Variants in VIRMA observed in about 807,000 individuals in gnomAD.
The protein encoded by VIRMA is vir like m6A methyltransferase associated.
In VIRMA, 65 loss-of-function variants were observed where a neutral mutation model predicts 182.4. The ratio of observed to expected loss-of-function variants is 0.36; its 90% CI spans 0.29 to 0.44. The LOEUF is 0.44. Ranked by LOEUF, VIRMA falls within the 20% of genes least tolerant of loss-of-function variation. VIRMA has a pLI of 1.00. For missense variants in VIRMA, 1,752 were observed against 2,158.1 expected, an observed-to-expected ratio of 0.81 and a Z score of 3.73; for synonymous variants, 709 against 743.1, an observed-to-expected ratio of 0.95 and a Z score of 0.75.
At chr8:94,533,011 A>C (rs985371153) in intron 5 of VIRMA, among the ~76,000 whole-genome samples, 1 of 152,122 alleles carries the variant, frequency 6.6e-6, no homozygotes, top group Non-Finnish European at 1.5e-5. Context: ...AAAGTTAAAA[A>C]CACATGTATA....
intron 8 of VIRMA, among the ~76,000 whole-genome samples, chr8:94,521,647 T>C (rs1257826659): frequency 6.6e-6 from 1 of 152,214 alleles, no homozygotes; most frequent in Non-Finnish European, 1.5e-5. Flanking sequence ...GGTAACACAA[T>C]AGCTTTCATA....
intron 2 of VIRMA, among the ~76,000 whole-genome samples, chr8:94,541,707 A>G (rs1048959802): frequency 6.6e-6 from 1 of 151,926 alleles, no homozygotes; most frequent in African/African-American, 2.4e-5. Context: ...ACAGCTGGCT[A>G]ATTTTTGTGT....
At position 94,517,779 on chromosome 8, in the gene VIRMA, GTACCA is replaced by G. The variant is rs897817317; in HGVS notation, c.2668+4_2668+8del. ...TTACAAATGCTTAAAATAACTTTAA[GTACCA>G]TACCTTGCAATTTAGCATTATTTTC... On this transcript the variant is annotated splice_donor_5th_base_variant and intron_variant, in intron 10 of 23. Transcript: ENST00000297591. 1.3e-6 allele frequency: 2 copies of G among 1,577,648 alleles called. No individual in the cohort carries two copies. The highest frequency in any genetic ancestry group is 1.7e-6 in the Non-Finnish European group (2 of 1,156,314).
intron 15 of VIRMA, among the ~76,000 whole-genome samples, chr8:94,508,262 T>C (rs1814238969): frequency 6.6e-6 from 1 of 152,006 alleles, no homozygotes; most frequent in African/African-American, 2.4e-5. Flanking sequence ...GCTAGTTTTT[T>C]TGTAGTAGAG....
chr8:94,499,255 C>T (rs1813888524), intron 17 of VIRMA, 119 bp downstream of exon 17: 5 of 643,436 alleles, frequency 7.8e-6, no homozygotes, highest in Admixed American at 3.6e-5. Context: ...CCCACCTCAG[C>T]CCACCAGAGT....
At position 94,488,535 on chromosome 8, in the gene VIRMA, G is replaced by A; in HGVS notation, c.*171C>T. ...TATACAAACGTACATACAAAGTTTG[G>A]ATTTTTATTGAAATCTTGTTAGGTA... On this transcript the variant is annotated 3_prime_UTR_variant, in exon 24 of 24. Coordinates refer to ENST00000297591, the MANE Select transcript of VIRMA (RefSeq NM_015496.5). 1 of 541,892 alleles carries A rather than the reference G, an allele frequency of 1.8e-6. No homozygotes were observed. The highest frequency in any genetic ancestry group is 3.1e-6 in the Non-Finnish European group (1 of 321,074). 33.6% of individuals were successfully genotyped at this position (541,892 alleles called of 1,614,324 possible). A position where few individuals can be genotyped will look rare whatever the true frequency, so the allele number is the denominator to read the frequency against.
At chr8:94,495,655 C>G in intron 19 of VIRMA, 76 bp downstream of exon 19, 1 of 1,232,738 alleles carries the variant, frequency 8.1e-7, no homozygotes. Flanking sequence ...TAGAAAAAAA[C>G]GTTTGCTGGC....
At chr8:94,497,938 G>C (rs1813847561) in intron 17 of VIRMA, 1 of 152,346 alleles carries the variant, frequency 6.6e-6, no homozygotes, top group South Asian at 2.1e-4. Flanking sequence ...CTGAGCCTAA[G>C]GAAGTCAAGG....
At chr8:94,547,436 C>T (rs575931943) in intron 1 of VIRMA, among the ~76,000 whole-genome samples, 1 of 151,160 alleles carries the variant, frequency 6.6e-6, no homozygotes, top group South Asian at 2.1e-4. Flanking sequence ...CACAGCATAA[C>T]TGTTTCCCTT....
In VIRMA at chr8:94,553,391, G is replaced by T; in HGVS notation, c.57C>A (p.Ser19Arg). The T allele has an allele frequency of 6.2e-7, 1 of 1,614,086 alleles. No individual in the cohort carries two copies. Among genetic ancestry groups the T allele is most frequent in the Non-Finnish European group, 8.5e-7 (1 of 1,179,930 alleles). Residue 19 changes from serine (S) to arginine (R), a missense_variant, in exon 1 of 24, where the codon AGC becomes AGA. By Grantham distance (110) the Ser-to-Arg change is moderately radical. Coordinates refer to ENST00000297591, the MANE Select transcript of VIRMA (RefSeq NM_015496.5). ...TCAAGTCGCCAAGCCTTACCTCAGC[G>T]CTCGGGTGTTTAAAAGTATCTAAAA... is the stretch of plus-strand genomic sequence containing the variant. ...LLFLDTFKHPSAEQSSHIDVV... is the reference protein window; with the variant it reads ...LLFLDTFKHPRAEQSSHIDVV...
intron 16 of VIRMA, among the ~76,000 whole-genome samples, chr8:94,504,247 T>C (rs1814080869): frequency 6.6e-6 from 1 of 151,894 alleles, no homozygotes; most frequent in Non-Finnish European, 1.5e-5. Context: ...CAATGGCCCG[T>C]ATCATAAGCC....
At chr8:94,535,607 ACCT>A (rs1004895929) in intron 4 of VIRMA, among the ~76,000 whole-genome samples, 3 of 152,172 alleles carry the variant, frequency 2.0e-5, no homozygotes, top group African/African-American at 7.2e-5. Context: ...AGATGGTGAA[ACCT>A]CGTCTCTACT....
At chr8:94,536,421 G>GA (rs1586105453) in intron 4 of VIRMA, among the ~76,000 whole-genome samples, 1 of 152,088 alleles carries the variant, frequency 6.6e-6, no homozygotes, top group Non-Finnish European at 1.5e-5. Context: ...GGCATATCAA[G>GA]AAAAAAGGCA....
At chr8:94,499,144 T>C (rs1199388559) in intron 17 of VIRMA, 2 of 302,624 alleles carry the variant, frequency 6.6e-6, no homozygotes, top group Non-Finnish European at 1.2e-5. Context: ...ATTTAATATA[T>C]AAAGTGATTT....
chr8:94,508,675 C>T (rs941916005), intron 15 of VIRMA, among the ~76,000 whole-genome samples: 1 of 150,894 alleles, frequency 6.6e-6, no homozygotes, highest in Non-Finnish European at 1.5e-5. Context: ...TACCAGGTCC[C>T]CTTCTTTGTG....
chr8:94,530,981 C>T lies in VIRMA; in HGVS notation c.589G>A (p.Asp197Asn). 6.2e-7 allele frequency: 1 copy of T among 1,603,772 alleles called. No homozygotes were observed. The highest frequency in any genetic ancestry group is 8.5e-7 in the Non-Finnish European group (1 of 1,175,584). The change falls in exon 6 of 24, where the codon GAT becomes AAT. Residue 197 changes from aspartate to asparagine, a missense_variant. Asp to Asn is a conservative substitution (Grantham distance 23). Around this residue, in one of 11 missense-constraint regions of VIRMA, gnomAD observed 114 missense variants for 106.9 expected, o/e 1.07. Coordinates refer to ENST00000297591, the MANE Select transcript of VIRMA (RefSeq NM_015496.5). ...TTTATACCTGGCAGAGGCACAGGAT[C>T]ATCTTCATCATCATCAGGTGGAGGG... is the stretch of plus-strand genomic sequence containing the variant. The part of the protein sequence containing the change: ...GPPPPDDDED[D>N]PVPLPVSGDK...
chr8:94,507,699 A>C (rs965866441), intron 15 of VIRMA, among the ~76,000 whole-genome samples: 3 of 151,906 alleles, frequency 2.0e-5, no homozygotes, highest in African/African-American at 7.2e-5. Flanking sequence ...GGTTGCACTG[A>C]GCCAAGACTG....
Position 94,527,247 on chromosome 8 carries a change from C to A in VIRMA, c.997G>T (p.Val333Phe). 6.2e-7 allele frequency: 1 copy of A among 1,614,010 alleles called. No homozygotes were observed. The highest frequency in any genetic ancestry group is 8.5e-7 in the Non-Finnish European group (1 of 1,179,938). ...TATGGATCATATGTCATAGGAGGAA[C>A]TGAAGCTAAGTCTTCAGCAGTGTAT... ...VEYTAEDLAS[V>F]PPMTYDPYDR... Residue 333 changes from valine to phenylalanine, a missense_variant, in exon 8 of 24, where the codon GTT (valine) becomes TTT (phenylalanine). Physicochemically the swap from Val to Phe is conservative, Grantham distance 50. Around this residue, in one of 11 missense-constraint regions of VIRMA, gnomAD observed 401 missense variants for 455.1 expected, o/e 0.88. Coordinates refer to ENST00000297591, the MANE Select transcript of VIRMA (RefSeq NM_015496.5).
intron 7 of VIRMA, among the ~76,000 whole-genome samples, chr8:94,527,889 C>T (rs1563473899): frequency 6.6e-6 from 1 of 152,072 alleles, no homozygotes; most frequent in East Asian, 1.9e-4. Flanking sequence ...CTGCATTTAC[C>T]TATCACACAG....
Sources: allele counts gnomAD v4.1 joint callset (sites outside exome capture counted in the v4.1 genomes callset), GRCh38; gene constraint gnomAD v4.1.1; regional missense constraint gnomAD v4.1.1; transcripts MANE v1.5; gene names NCBI Gene and HGNC (gene_info 2026-07-23, HGNC 2026-07-21).